FBLN2: variants seen among roughly 807,000 people sequenced by gnomAD.
FBLN2 encodes fibulin 2, also known as fibulin-2.
FBLN2 carries 81 observed loss-of-function variants against 123.7 expected under a neutral mutation model. The observed-to-expected ratio is 0.65, with a 90% CI of 0.55 to 0.79. The LOEUF (loss-of-function observed/expected upper bound fraction) is 0.79. FBLN2 is among the 30% of genes least tolerant of loss of function. The pLI is 0.00. For synonymous variants in FBLN2, 699 were observed against 701.4 expected (o/e 1.00, Z 0.05); for missense variants, 1,603 against 1,681.3 (o/e 0.95, Z 0.81).
rs1703964828 is a variant in FBLN2, at chr3:13,571,677, G to T, written c.1306+16G>T. 6.5e-7 allele frequency: 1 copy of T among 1,540,890 alleles called. No homozygotes were observed. The highest frequency in any genetic ancestry group is 8.8e-7 in the Non-Finnish European group (1 of 1,142,744). ...AGCCCTGAAGGTAAGACCCTGTCCT[G>T]GTTCCTTCAGGGCACTTTGTGTGGG... is the stretch of plus-strand genomic sequence containing the variant. On this transcript the variant is annotated intron_variant, in intron 2 of 17. Coordinates refer to ENST00000404922, the MANE Select transcript of FBLN2 (RefSeq NM_001004019.2).
At chr3:13,627,525 C>T (rs1164104693) in intron 10 of FBLN2, among the ~76,000 whole-genome samples, 4 of 152,224 alleles carry the variant, frequency 2.6e-5, no homozygotes, top group African/African-American at 9.7e-5. Flanking sequence ...CTCAGCTTCC[C>T]TCCTTGTAAG....
At chr3:13,627,780 G>A (rs1574997775) in intron 10 of FBLN2, 52 bp from the exon 11 acceptor site, 12 of 1,564,636 alleles carry the variant, frequency 7.7e-6, no homozygotes, top group Admixed American at 1.8e-5. Flanking sequence ...GCTGCTGAGT[G>A]TAAAGGCAGG....
chr3:13,551,280 C>T (rs188950959), intron 1 of FBLN2, among the ~76,000 whole-genome samples: 14 of 152,300 alleles, frequency 9.2e-5, no homozygotes, highest in Admixed American at 7.8e-4. Context: ...GAGTGGTGCC[C>T]AGGGCCCTGG....
chr3:13,581,252 C>T (rs1057312804), intron 2 of FBLN2, among the ~76,000 whole-genome samples: 2 of 151,900 alleles, frequency 1.3e-5, no homozygotes, highest in African/African-American at 4.8e-5. Flanking sequence ...GGGGCACTGG[C>T]TTTCACTGGG....
At chr3:13,620,426 G>A (rs1705810209) in intron 8 of FBLN2, among the ~76,000 whole-genome samples, 1 of 152,180 alleles carries the variant, frequency 6.6e-6, no homozygotes, top group South Asian at 2.1e-4. Flanking sequence ...TGGACAGCAG[G>A]AATGCCTGGC....
intron 5 of FBLN2, among the ~76,000 whole-genome samples, chr3:13,617,156 A>G (rs1705641979): frequency 6.6e-6 from 1 of 151,296 alleles, no homozygotes; most frequent in Admixed American, 6.6e-5. Context: ...CCATCCATCC[A>G]TCCATCCATC....
At chr3:13,631,288 G>A (rs1706246749) in intron 15 of FBLN2, 41 bp from the exon 16 acceptor site, 1 of 1,585,414 alleles carries the variant, frequency 6.3e-7, no homozygotes, top group Admixed American at 1.8e-5. Flanking sequence ...GGGCTCTGTG[G>A]GTGGACGAGG....
chr3:13,561,410 G>A (rs935711031), intron 1 of FBLN2, among the ~76,000 whole-genome samples: 2 of 151,996 alleles, frequency 1.3e-5, no homozygotes, highest in African/African-American at 4.8e-5. Context: ...CTTCTTCCTT[G>A]ATGTGTGTCC....
chr3:13,571,198 A>AGAG lies in FBLN2; in HGVS notation c.856_858dup (p.Glu286dup), dbSNP rs748859707. On this transcript the variant is annotated inframe_insertion, in exon 2 of 18. Transcript: ENST00000404922. ...TGACCGAGGACAGTGAGGAGGAAGA[A>AGAG]GAGGAGGAGGAGGAGAGAGAGGAAA... is the stretch of plus-strand genomic sequence containing the variant. The AGAG allele has an allele frequency of 3.8e-6, 6 of 1,570,288 alleles. No individual in the cohort carries two copies. The highest frequency in any genetic ancestry group is 5.2e-6 in the Non-Finnish European group (6 of 1,158,166).
intron 4 of FBLN2, among the ~76,000 whole-genome samples, chr3:13,613,250 T>C (rs1705463582): frequency 6.6e-6 from 1 of 152,090 alleles, no homozygotes; most frequent in Non-Finnish European, 1.5e-5. Context: ...AACCAAGAGG[T>C]TGGGAAATAC....
In FBLN2 at chr3:13,609,648, C is replaced by A. The variant is rs776026321; in HGVS notation, c.1548+6C>A. 11 of 1,346,502 alleles carry A rather than the reference C, an allele frequency of 8.2e-6. No individual in the cohort carries two copies. The African/African-American group carries it at 9.1e-5, about 11-fold the overall frequency. 83.4% of individuals were successfully genotyped at this position (1,346,502 alleles called of 1,614,324 possible). ...GCGGCATCTCCCTGTACAAGGCAAG[C>A]CTGACCTGTGGCCTTCAAGGCAGGG... is the stretch of plus-strand genomic sequence containing the variant. On this transcript the variant is annotated splice_donor_region_variant and intron_variant, in intron 4 of 17. Coordinates refer to ENST00000404922, the MANE Select transcript of FBLN2 (RefSeq NM_001004019.2).
At position 13,631,258 on chromosome 3, in the gene FBLN2, C is replaced by T. The variant is rs779564798; in HGVS notation, c.3086-71C>T. The T allele has an allele frequency of 9.1e-5, 141 of 1,545,108 alleles. 2 individuals carry two copies. Among genetic ancestry groups the T allele is most frequent in the Non-Finnish European group, 1.2e-4 (140 of 1,141,106 alleles). Reference sequence around the variant, plus strand: ...CTAAGCTCTATGGCTGTGACAGGGACAGGCTGACTGTCAGTGGCTGGGCTC... The same window carrying T: ...CTAAGCTCTATGGCTGTGACAGGGATAGGCTGACTGTCAGTGGCTGGGCTC... On this transcript the variant is annotated intron_variant, in intron 15 of 17. Transcript: ENST00000404922.
chr3:13,612,863 T>G (rs1705452731), intron 4 of FBLN2, among the ~76,000 whole-genome samples: 1 of 152,204 alleles, frequency 6.6e-6, no homozygotes, highest in Non-Finnish European at 1.5e-5. Flanking sequence ...TAGCTGTTGC[T>G]GGGTAACATA....
chr3:13,621,743 CCTT>C lies in FBLN2; in HGVS notation c.2156-29_2156-27del, dbSNP rs543723420. ...TGGCAGCCCATGTCCCTCTAACAGT[CCTT>C]CTGTTTTTCCTCCTGCGGCTGCCAC... On this transcript the variant is annotated intron_variant, in intron 8 of 17. Transcript: ENST00000404922. The C allele has an allele frequency of 1.8e-4, 289 of 1,612,654 alleles. 1 individual carries two copies. In the East Asian group the frequency reaches 6.1e-3, roughly 34 times the overall value.
At chr3:13,596,353 G>A (rs1287887091) in intron 2 of FBLN2, among the ~76,000 whole-genome samples, 5 of 152,122 alleles carry the variant, frequency 3.3e-5, no homozygotes, top group South Asian at 4.1e-4. Flanking sequence ...TACCTAGGCT[G>A]GTCAGCATCA....
At chr3:13,620,049 G>C (rs1364551668) in intron 8 of FBLN2, among the ~76,000 whole-genome samples, 1 of 152,170 alleles carries the variant, frequency 6.6e-6, no homozygotes, top group Non-Finnish European at 1.5e-5. Context: ...CTGCAGTGTG[G>C]CTGCATAGGA....
intron 1 of FBLN2, among the ~76,000 whole-genome samples, chr3:13,567,707 C>T (rs773438985): frequency 1.1e-4 from 16 of 151,976 alleles, no homozygotes; most frequent in Non-Finnish European, 2.1e-4. Context: ...GTGGCTCATG[C>T]CTGTAATCCC....
At chr3:13,576,522 A>G (rs1038059461) in intron 2 of FBLN2, among the ~76,000 whole-genome samples, 1 of 152,252 alleles carries the variant, frequency 6.6e-6, no homozygotes, top group Non-Finnish European at 1.5e-5. Context: ...ACAGGAAGAA[A>G]GTAGAGCTGG....
intron 1 of FBLN2, among the ~76,000 whole-genome samples, chr3:13,551,975 G>T (rs2167196): frequency 0.74 from 111,839 of 151,578 alleles, 43,287 homozygotes; most frequent in East Asian, 1. Context: ...CTCCCAAGTA[G>T]TTGGGACTAC....
Sources: allele counts gnomAD v4.1 joint callset (sites outside exome capture counted in the v4.1 genomes callset), GRCh38; gene constraint gnomAD v4.1.1; transcripts MANE v1.5; gene names NCBI Gene and HGNC (gene_info 2026-07-23, HGNC 2026-07-21).